Variants in NR6A1 observed in about 807,000 individuals in gnomAD.
The protein encoded by NR6A1 is nuclear receptor subfamily 6 group A member 1, also known as retinoic acid receptor-related testis-associated receptor.
Under a neutral mutation model 59.1 loss-of-function variants are expected in NR6A1, and 7 were observed. The ratio of observed to expected loss-of-function variants is 0.12; its 90% CI spans 0.07 to 0.22. The LOEUF is 0.22. Ranked by LOEUF, NR6A1 falls within the 10% of genes least tolerant of loss-of-function variation. The pLI is 1.00. For synonymous variants in NR6A1, 243 were observed against 236.1 expected, an observed-to-expected ratio of 1.03 and a Z score of -0.27; for missense variants, 468 against 611.6, an observed-to-expected ratio of 0.77 and a Z score of 2.48.
chr9:124,532,325 C>CAG (rs1490952095), intron 7 of NR6A1, among the ~76,000 whole-genome samples: 1 of 152,204 alleles, frequency 6.6e-6, no homozygotes, highest in African/African-American at 2.4e-5. Context: ...CTTCAAGGTG[C>CAG]AGCTCAAATG....
intron 2 of NR6A1, among the ~76,000 whole-genome samples, chr9:124,723,674 G>C (rs973957523): frequency 6.6e-6 from 1 of 152,308 alleles, no homozygotes; most frequent in East Asian, 1.9e-4. Context: ...ACATAGCCTA[G>C]AACAGTATAC....
chr9:124,757,664 G>A (rs1840671638), intron 1 of NR6A1, among the ~76,000 whole-genome samples: 1 of 152,136 alleles, frequency 6.6e-6, no homozygotes, highest in African/African-American at 2.4e-5. Flanking sequence ...TTCAAGCACA[G>A]ACAGACCCTC....
At chr9:124,579,572 A>G (rs1834701782) in intron 2 of NR6A1, among the ~76,000 whole-genome samples, 1 of 152,018 alleles carries the variant, frequency 6.6e-6, no homozygotes, top group South Asian at 2.1e-4. Context: ...TAATAAAACT[A>G]CATGTTAGAA....
intron 2 of NR6A1, among the ~76,000 whole-genome samples, chr9:124,630,225 T>TG (rs1410634283): frequency 2.0e-5 from 3 of 148,452 alleles, no homozygotes; most frequent in Non-Finnish European, 4.5e-5. Context: ...TTTTTTTTTT[T>TG]TTTTTTTGAG....
intron 2 of NR6A1, chr9:124,607,574 T>C (rs1023652251): frequency 5.3e-5 from 8 of 152,192 alleles, no homozygotes; most frequent in African/African-American, 1.9e-4. Flanking sequence ...TTTAGGTAAA[T>C]TGCATAACTT....
intron 2 of NR6A1, among the ~76,000 whole-genome samples, chr9:124,647,724 CAAAAAAA>C (rs35591437): frequency 1.8e-5 from 1 of 56,076 alleles, no homozygotes; most frequent in East Asian, 3.6e-4. Context: ...GAGACCGTCT[CAAAAAAA>C]AAAAAAAAAA....
At chr9:124,584,613 G>T (rs1834870483) in intron 2 of NR6A1, among the ~76,000 whole-genome samples, 1 of 152,068 alleles carries the variant, frequency 6.6e-6, no homozygotes, top group Admixed American at 6.5e-5. Context: ...TTGTTTGGGG[G>T]TGCCACGAAC....
At chr9:124,634,930 C>T (rs1298846220) in intron 2 of NR6A1, among the ~76,000 whole-genome samples, 1 of 152,142 alleles carries the variant, frequency 6.6e-6, no homozygotes, top group African/African-American at 2.4e-5. Context: ...TATGCATGAC[C>T]TCCCCTGCTA....
chr9:124,612,038 A>G (rs1041799077), intron 2 of NR6A1, among the ~76,000 whole-genome samples: 2 of 152,146 alleles, frequency 1.3e-5, no homozygotes, highest in African/African-American at 4.8e-5. Context: ...CTTGGAACCT[A>G]ATATGTATCT....
At chr9:124,625,606 T>C (rs563754004) in intron 2 of NR6A1, among the ~76,000 whole-genome samples, 2 of 152,280 alleles carry the variant, frequency 1.3e-5, no homozygotes, top group African/African-American at 4.8e-5. Context: ...CTTCATTAAT[T>C]CTAGTGTGTT....
chr9:124,706,801 C>T (rs966312069), intron 2 of NR6A1, among the ~76,000 whole-genome samples: 1 of 152,192 alleles, frequency 6.6e-6, no homozygotes, highest in African/African-American at 2.4e-5. Context: ...CAGGCGTGAG[C>T]CACCTCGCCC....
At chr9:124,698,177 T>C (rs1181920701) in intron 2 of NR6A1, 1 of 152,250 alleles carries the variant, frequency 6.6e-6, no homozygotes, top group African/African-American at 2.4e-5. Flanking sequence ...CCAATAAGCA[T>C]AAACTATTTC....
chr9:124,760,578 G>A (rs1190180172), intron 1 of NR6A1, among the ~76,000 whole-genome samples: 1 of 152,150 alleles, frequency 6.6e-6, no homozygotes, highest in African/African-American at 2.4e-5. Context: ...TTGGAGAAGA[G>A]GGGATGTTAA....
chr9:124,565,462 A>T (rs996779956), intron 2 of NR6A1, among the ~76,000 whole-genome samples: 2 of 152,186 alleles, frequency 1.3e-5, no homozygotes, highest in Admixed American at 1.3e-4. Flanking sequence ...AACAATTAAA[A>T]AAAAAGTCAG....
intron 2 of NR6A1, among the ~76,000 whole-genome samples, chr9:124,574,569 T>C (rs567598296): frequency 4.6e-5 from 7 of 152,340 alleles, no homozygotes; most frequent in African/African-American, 1.7e-4. Context: ...ATATAATCTG[T>C]GAACACTGAG....
intron 2 of NR6A1, among the ~76,000 whole-genome samples, chr9:124,633,286 C>T (rs956292973): frequency 1.3e-5 from 2 of 151,352 alleles, no homozygotes; most frequent in South Asian, 4.2e-4. Flanking sequence ...GCCTGTAGTC[C>T]CAGCTACACG....
rs1833334028 is a variant in NR6A1 at position 124,538,162 on chromosome 9, T to C, written c.754A>G (p.Ser252Gly). The change falls in exon 6 of 10, where the codon AGT becomes GGT. Residue 252 changes from serine (S) to glycine (G), a missense_variant. By Grantham distance (56) the Ser-to-Gly change is moderately conservative. This residue lies in a region of NR6A1 where 151 missense variants were observed against 142.8 expected (regional missense o/e 1.06). Transcript: ENST00000487099. ...GCTGATAACAGCTGGTGAATCAGAC[T>C]GTATGACTGGGGATCCAGGCTGCGA... ...QARSLDPQSY[S>G]LIHQLLSAED... The C allele has an allele frequency of 6.2e-7, 1 of 1,614,212 alleles. No homozygotes were observed. Among genetic ancestry groups the C allele is most frequent in the Non-Finnish European group, 8.5e-7 (1 of 1,180,026 alleles).
At chr9:124,655,281 G>T (rs1399286528) in intron 2 of NR6A1, among the ~76,000 whole-genome samples, 2 of 152,110 alleles carry the variant, frequency 1.3e-5, no homozygotes, top group Non-Finnish European at 1.5e-5. Flanking sequence ...TGAGTCAAGC[G>T]AGAACAAGCA....
chr9:124,612,229 C>T (rs1448841756), intron 2 of NR6A1, among the ~76,000 whole-genome samples: 1 of 152,196 alleles, frequency 6.6e-6, no homozygotes, highest in Non-Finnish European at 1.5e-5. Flanking sequence ...ACTTGAACCA[C>T]TCTTCTCTTC....
Sources: allele counts gnomAD v4.1 joint callset (sites outside exome capture counted in the v4.1 genomes callset), GRCh38; gene constraint gnomAD v4.1.1; regional missense constraint gnomAD v4.1.1; transcripts MANE v1.5; gene names NCBI Gene and HGNC (gene_info 2026-07-23, HGNC 2026-07-21).